Variants in EDARADD observed in about 807,000 individuals in gnomAD.
EDARADD encodes EDAR associated via death domain, also known as ectodysplasin-A receptor-associated adapter protein.
Under a neutral mutation model 25.6 loss-of-function variants are expected in EDARADD, and 20 were observed. That is an observed-to-expected ratio of 0.78 (90% CI 0.55 to 1.14). The LOEUF (loss-of-function observed/expected upper bound fraction) is 1.14, where lower values mean the gene tolerates loss of function less well. EDARADD is among the 50% of genes most tolerant of loss of function. The pLI, the probability that EDARADD is intolerant of heterozygous loss-of-function variation, is 0.00. For synonymous variants in EDARADD, 86 were observed against 94.4 expected, an observed-to-expected ratio of 0.91 and a Z score of 0.52; for missense variants, 225 against 270.1, an observed-to-expected ratio of 0.83 and a Z score of 1.17.
At chr1:236,457,089 A>C (rs1658889709) in intron 4 of EDARADD, among the ~76,000 whole-genome samples, 1 of 152,068 alleles carries the variant, frequency 6.6e-6, no homozygotes, top group Admixed American at 6.5e-5. Flanking sequence ...TCTATAGTGA[A>C]GTCTCCCAAA....
intron 3 of EDARADD, among the ~76,000 whole-genome samples, chr1:236,415,937 G>A (rs369637661): frequency 2.6e-5 from 4 of 152,302 alleles, no homozygotes; most frequent in East Asian, 3.9e-4. Flanking sequence ...TGCCCAGCAC[G>A]CACTAACGTG....
intron 4 of EDARADD, among the ~76,000 whole-genome samples, chr1:236,464,423 CTTTTTT>C (rs35064410): frequency 0.037 from 2,690 of 72,858 alleles, 106 homozygotes; most frequent in African/African-American, 0.12. Context: ...CTTGCTGCAA[CTTTTTT>C]TTTTTTTTTT....
chr1:236,430,867 C>T (rs1274060058), intron 4 of EDARADD, among the ~76,000 whole-genome samples: 1 of 152,100 alleles, frequency 6.6e-6, no homozygotes, highest in African/African-American at 2.4e-5. Context: ...CCTATAATCC[C>T]AACACTTTGT....
intron 3 of EDARADD, among the ~76,000 whole-genome samples, chr1:236,377,852 A>G (rs1234044685): frequency 6.6e-6 from 1 of 150,694 alleles, no homozygotes; most frequent in Non-Finnish European, 1.5e-5. Flanking sequence ...GTGAGACTCC[A>G]TTAAAAAAAA....
chr1:236,409,250 C>T lies in EDARADD; in HGVS notation c.96C>T (p.Asp32=). 6.2e-7 allele frequency: 1 copy of T among 1,613,182 alleles called. No individual in the cohort carries two copies. Among genetic ancestry groups the T allele is most frequent in the Non-Finnish European group, 8.5e-7 (1 of 1,179,322 alleles). ...HMVKEPVEDT[D]PSTLSFNMSD... is the part of the protein sequence containing the mutation. Reference sequence around the variant, plus strand: ...TAAAGGAACCAGTGGAAGACACAGACCCTAGCACTTTATCCTTTAATATGG... The same window carrying T: ...TAAAGGAACCAGTGGAAGACACAGATCCTAGCACTTTATCCTTTAATATGG... Residue 32 remains aspartate, a synonymous_variant, in exon 2 of 6, where the codon GAC becomes GAT. Transcript: ENST00000334232.
intron 3 of EDARADD, among the ~76,000 whole-genome samples, chr1:236,377,686 C>G (rs529236348): frequency 6.6e-6 from 1 of 150,926 alleles, no homozygotes; most frequent in Non-Finnish European, 1.5e-5. Context: ...GGTGAAACCC[C>G]GTCTCTACTA....
intron 3 of EDARADD, among the ~76,000 whole-genome samples, chr1:236,419,555 T>C (rs534748447): frequency 2.0e-5 from 3 of 152,310 alleles, no homozygotes; most frequent in Non-Finnish European, 2.9e-5. Flanking sequence ...GACACTTCAG[T>C]GTGCATCAGA....
At chr1:236,368,992 GC>G (rs1667144089) in intron 3 of EDARADD, among the ~76,000 whole-genome samples, 1 of 151,838 alleles carries the variant, frequency 6.6e-6, no homozygotes, top group South Asian at 2.1e-4. Context: ...ACAGAGTCTT[GC>G]TATGTTGCCC....
chr1:236,441,581 T>C (rs1366736890), intron 4 of EDARADD, among the ~76,000 whole-genome samples: 5 of 150,028 alleles, frequency 3.3e-5, no homozygotes, highest in South Asian at 4.2e-4. Flanking sequence ...TGGAGTGCAA[T>C]GGTGCGATCT....
At chr1:236,468,165 A>C in intron 4 of EDARADD, 66 bp from the exon 5 acceptor site, 2 of 1,505,504 alleles carry the variant, frequency 1.3e-6, no homozygotes, top group Non-Finnish European at 1.8e-6. Context: ...ACTAAGTTGG[A>C]AGATTGATAA....
intron 4 of EDARADD, among the ~76,000 whole-genome samples, chr1:236,465,226 C>A (rs1440148397): frequency 6.6e-6 from 1 of 152,186 alleles, no homozygotes; most frequent in African/African-American, 2.4e-5. Flanking sequence ...TACACTGTAG[C>A]CAGGTGGGTA....
chr1:236,410,399 A>T (rs1024621732), intron 2 of EDARADD, among the ~76,000 whole-genome samples: 3 of 152,112 alleles, frequency 2.0e-5, no homozygotes, highest in East Asian at 1.9e-4. Flanking sequence ...TTCCAGCTGC[A>T]TCCATGTGGC....
chr1:236,392,716 G>A (rs1339297642), upstream of EDARADD, among the ~76,000 whole-genome samples: 1 of 151,894 alleles, frequency 6.6e-6, no homozygotes, highest in Non-Finnish European at 1.5e-5. Flanking sequence ...TGTCACCCAG[G>A]CTGGAGTGCA....
intron 3 of EDARADD, among the ~76,000 whole-genome samples, chr1:236,351,032 G>A (rs935030318): frequency 3.0e-4 from 46 of 152,104 alleles, no homozygotes; most frequent in African/African-American, 1.0e-3. Flanking sequence ...CCAAGTACTT[G>A]GGAGGCGGAG....
At chr1:236,363,028 T>A (rs867955341) in intron 3 of EDARADD, among the ~76,000 whole-genome samples, 1 of 116,980 alleles carries the variant, frequency 8.5e-6, no homozygotes, top group African/African-American at 3.3e-5. Flanking sequence ...TATATATATA[T>A]ATATAAAATT....
At chr1:236,455,133 C>T (rs1227692477) in intron 4 of EDARADD, among the ~76,000 whole-genome samples, 2 of 152,086 alleles carry the variant, frequency 1.3e-5, no homozygotes, top group African/African-American at 4.8e-5. Context: ...TCGCTTAAAC[C>T]CGTGAGGCGG....
intron 3 of EDARADD, among the ~76,000 whole-genome samples, chr1:236,416,914 C>T (rs1657652741): frequency 6.6e-6 from 1 of 152,070 alleles, no homozygotes; most frequent in Non-Finnish European, 1.5e-5. Flanking sequence ...GAGTTCAAGA[C>T]CAGCCTGGGC....
chr1:236,353,698 A>G lies in EDARADD; in HGVS notation c.-6+2859A>G, dbSNP rs12048265. Among the ~76,000 whole-genome samples, 573 of 144,988 alleles carry G rather than the reference A, an allele frequency of 4.0e-3. 7 individuals are homozygous for G. The highest frequency in any genetic ancestry group is 0.01 in the African/African-American group (412 of 39,278). On this transcript the variant is annotated intron_variant, in intron 3 of 7. Coordinates refer to the EDARADD transcript ENST00000439430. ...AACTCCAAAAAAAAAAAAAAAAAAA[A>G]GATATTGGACTAAGGTTGGTGTTTA...
At chr1:236,462,765 A>G (rs1008094253) in intron 4 of EDARADD, among the ~76,000 whole-genome samples, 2 of 152,194 alleles carry the variant, frequency 1.3e-5, no homozygotes, top group Non-Finnish European at 2.9e-5. Flanking sequence ...CAGTTAATAC[A>G]TTTTGCCCAA....
Sources: allele counts gnomAD v4.1 joint callset (sites outside exome capture counted in the v4.1 genomes callset), GRCh38; gene constraint gnomAD v4.1.1; transcripts MANE v1.5; gene names NCBI Gene and HGNC (gene_info 2026-07-23, HGNC 2026-07-21).